Variants in RAD23A observed in about 807,000 individuals in gnomAD.
RAD23A encodes lysine-specific demethylase RAD23A.
A neutral mutation model predicts 44.8 loss-of-function variants in RAD23A; 16 were observed. That is an observed-to-expected ratio of 0.36 (90% confidence interval 0.24 to 0.54). RAD23A has a LOEUF of 0.54. Ranked by LOEUF, RAD23A falls within the 20% of genes least tolerant of loss-of-function variation. RAD23A has a pLI of 0.89. For synonymous variants in RAD23A, 217 were observed against 202.9 expected (o/e 1.07, Z -0.59); for missense variants, 380 against 483.3 (o/e 0.79, Z 2.00).
chr19:12,948,995 C>T lies in RAD23A; in HGVS notation c.601-86C>T, dbSNP rs768333159. 14 of 1,538,570 alleles carry T rather than the reference C, an allele frequency of 9.1e-6. No homozygotes were observed. The highest frequency in any genetic ancestry group is 3.8e-5 in the Admixed American group (2 of 52,988). On this transcript the variant is annotated intron_variant, in intron 5 of 8. Transcript: ENST00000586534. This position sits in a 1 kb window ranked among gnomAD's most constrained non-coding sequence, Gnocchi z 5.5. The stretch of plus-strand genomic sequence containing the variant: ...TGGGTGGGCCTCTGGAGGGCAGGGC[C>T]GAGGCCTCATCTGTGTCCTGCCAGG...
Position 12,945,885 on chromosome 19 carries a change from G to A in RAD23A, c.-64G>A. ...GCGCGGCGCGCCTGGGCGCTAAGATGGCGGCGGCGTGAGTTGCATGTTGTG... is the reference window on the plus strand; with the variant it reads ...GCGCGGCGCGCCTGGGCGCTAAGATAGCGGCGGCGTGAGTTGCATGTTGTG... On this transcript the variant is annotated 5_prime_UTR_variant, in exon 1 of 9. The change abolishes an upstream ATG in the 5' untranslated region. Transcript: ENST00000586534. 6.5e-7 allele frequency: 1 copy of A among 1,547,466 alleles called. No individual in the cohort carries two copies.
At chr19:12,946,605 T>G (rs1008171302) in intron 1 of RAD23A, among the ~76,000 whole-genome samples, 3 of 152,092 alleles carry the variant, frequency 2.0e-5, no homozygotes, top group Non-Finnish European at 4.4e-5. Flanking sequence ...TGTGGAAACC[T>G]AGGGATTGAG....
chr19:12,947,279 TA>T (rs2146031661), intron 1 of RAD23A, among the ~76,000 whole-genome samples: 2 of 152,180 alleles, frequency 1.3e-5, no homozygotes, highest in Admixed American at 1.3e-4. Flanking sequence ...TATTTTTAAT[TA>T]GTCTGGAGTG....
At chr19:12,952,877 A>G in intron 8 of RAD23A, 24 bp downstream of exon 8, 2 of 1,603,440 alleles carry the variant, frequency 1.2e-6, no homozygotes, top group Non-Finnish European at 1.7e-6. Flanking sequence ...CTGAGGGGTG[A>G]CTGCAGGTGG....
chr19:12,951,800 G>A (rs1401504299), intron 7 of RAD23A, among the ~76,000 whole-genome samples: 1 of 152,128 alleles, frequency 6.6e-6, no homozygotes, highest in East Asian at 1.9e-4. Flanking sequence ...CATCCACCCT[G>A]GGCCTTTGCA....
At chr19:12,950,807 T>A (rs766842022) in intron 7 of RAD23A, among the ~76,000 whole-genome samples, 1 of 152,240 alleles carries the variant, frequency 6.6e-6, no homozygotes, top group East Asian at 1.9e-4. Context: ...GGCTCATGCC[T>A]GTAATCCCAG....
chr19:12,949,418 C>G lies in RAD23A; in HGVS notation c.813+10C>G. The G allele has an allele frequency of 1.2e-6, 2 of 1,610,602 alleles. No individual in the cohort carries two copies. Among genetic ancestry groups the G allele is most frequent in the Non-Finnish European group, 1.7e-6 (2 of 1,177,182 alleles). ...CCCTCAGCTTTTACAGGTGTGGTCC[C>G]AAGGGCAGAGGGAGCTAGGGCAGCC... On this transcript the variant is annotated intron_variant, in intron 7 of 8. Transcript: ENST00000586534.
At position 12,953,017 on chromosome 19, in the gene RAD23A, T is replaced by G; in HGVS notation, c.1060T>G (p.Phe354Val). ...CEKNENLAAN[F>V]LLSQNFDDE ...AAAAAATGAGAACTTGGCTGCCAAC[T>G]TCCTCCTGAGTCAGAACTTTGATGA... The change falls in exon 9 of 9, where the codon TTC becomes GTC. Residue 354 changes from phenylalanine (F) to valine (V), a missense_variant. Around this residue, in one of 3 missense-constraint regions of RAD23A, gnomAD observed 31 missense variants for 63.6 expected, o/e 0.49. Transcript: ENST00000586534. 1 of 1,613,878 alleles carries G rather than the reference T, an allele frequency of 6.2e-7. No homozygotes were observed. The highest frequency in any genetic ancestry group is 8.5e-7 in the Non-Finnish European group (1 of 1,179,954).
intron 6 of RAD23A, 41 bp downstream of exon 6, chr19:12,949,200 C>G: frequency 1.9e-6 from 3 of 1,614,094 alleles, no homozygotes; most frequent in Non-Finnish European, 2.5e-6. Context: ...AGGTACCTGA[C>G]TCACATTACA....
chr19:12,948,314 A>G lies in RAD23A; in HGVS notation c.372A>G (p.Pro124=), dbSNP rs1164211073. 9.9e-6 allele frequency: 16 copies of G among 1,609,392 alleles called. No homozygotes were observed. The highest frequency in any genetic ancestry group is 1.2e-5 in the Non-Finnish European group (14 of 1,177,622). The change falls in exon 3 of 9, where the codon CCA becomes CCG. Residue 124 remains proline, a synonymous_variant. Transcript: ENST00000586534. The surrounding 1 kb of genome is among the most constrained non-coding windows in gnomAD (Gnocchi z 5.5). ...CTGCCGCCAGAGAGGACAAGAGCCC[A>G]TCAGAGGAATCCGCCCCCACGACGT... is the stretch of plus-strand genomic sequence containing the variant. ...PPPAAREDKS[P]SEESAPTTSP...
At chr19:12,946,847 C>T (rs1971686265) in intron 1 of RAD23A, among the ~76,000 whole-genome samples, 2 of 152,282 alleles carry the variant, frequency 1.3e-5, no homozygotes, top group Non-Finnish European at 2.9e-5. Flanking sequence ...TTTTGATCCG[C>T]TCAAGTGTTT....
In RAD23A at chr19:12,948,022, T is replaced by G; in HGVS notation, c.234+13T>G. Reference sequence around the variant, plus strand: ...CATGGTGACCAAGGTGGGTGACGTGTGCTGGCTGGGAGGGTGGGTGGACGA... The same window carrying G: ...CATGGTGACCAAGGTGGGTGACGTGGGCTGGCTGGGAGGGTGGGTGGACGA... On this transcript the variant is annotated intron_variant, in intron 2 of 8. Transcript: ENST00000586534. This position sits in a 1 kb window ranked among gnomAD's most constrained non-coding sequence, Gnocchi z 5.5. 1 of 1,612,530 alleles carries G rather than the reference T, an allele frequency of 6.2e-7. No individual in the cohort carries two copies. Among genetic ancestry groups the G allele is most frequent in the Admixed American group, 1.7e-5 (1 of 59,992 alleles).
chr19:12,948,512 A>G lies in RAD23A; in HGVS notation c.432A>G (p.Ser144=). 2.5e-6 allele frequency: 4 copies of G among 1,593,978 alleles called. No homozygotes were observed. Among genetic ancestry groups the G allele is most frequent in the Non-Finnish European group, 3.4e-6 (4 of 1,169,938 alleles). ...GAATTTGCAGCTCTGTTCCCTCTTC[A>G]GGTAGCAGCGGGCGAGAGGAAGACG... The part of the protein sequence containing the change: ...PESVSGSVPS[S]GSSGREEDAA... The change falls in exon 4 of 9, where the codon TCA becomes TCG. Residue 144 remains serine, a synonymous_variant. Transcript: ENST00000586534. This position sits in a 1 kb window ranked among gnomAD's most constrained non-coding sequence, Gnocchi z 5.5.
Position 12,948,729 on chromosome 19 carries a change from C to T in RAD23A, c.516C>T (p.Ser172=), listed in dbSNP as rs368745471. The change falls in exon 5 of 9, where the codon TCC becomes TCT. Residue 172 remains serine (S), a synonymous_variant. Coordinates refer to ENST00000586534, the MANE Select transcript of RAD23A (RefSeq NM_005053.4). The surrounding 1 kb of genome is among the most constrained non-coding windows in gnomAD (Gnocchi z 5.5). ...AGACGATGCTGACGGAGATCATGTC[C>T]ATGGGCTATGAGCGAGAGCGGGTCG... ...EYETMLTEIM[S]MGYERERVVA... 6.2e-7 allele frequency: 1 copy of T among 1,613,588 alleles called. No individual in the cohort carries two copies. The highest frequency in any genetic ancestry group is 8.5e-7 in the Non-Finnish European group (1 of 1,179,960).
chr19:12,952,757 C>T lies in RAD23A; in HGVS notation c.882C>T (p.Ile294=), dbSNP rs768156370. 1.2e-6 allele frequency: 2 copies of T among 1,613,580 alleles called. No homozygotes were observed. The highest frequency in any genetic ancestry group is 1.7e-5 in the Admixed American group (1 of 59,968). Residue 294 remains isoleucine, a synonymous_variant, in exon 8 of 9, where the codon ATC becomes ATT. Transcript: ENST00000586534. ...AGCCCCCTGGGGAGCTGGCGGACAT[C>T]TCAGATGTGGAGGGGGAGGTGGGCG... The part of the protein sequence containing the change: ...LNEPPGELAD[I]SDVEGEVGAI...
At chr19:12,950,954 C>T (rs1191780535) in intron 7 of RAD23A, among the ~76,000 whole-genome samples, 2 of 152,190 alleles carry the variant, frequency 1.3e-5, no homozygotes, top group Non-Finnish European at 2.9e-5. Flanking sequence ...GTCCCAGCTA[C>T]TCAGGAGGTG....
rs1347252400 is a variant in RAD23A, at chr19:12,948,804, T to C, written c.591T>C (p.Tyr197=). 6.2e-7 allele frequency: 1 copy of C among 1,608,086 alleles called. No individual in the cohort carries two copies. Among genetic ancestry groups the C allele is most frequent in the Non-Finnish European group, 8.5e-7 (1 of 1,178,004 alleles). Residue 197 remains tyrosine, a synonymous_variant, in exon 5 of 9, where the codon TAT becomes TAC. Coordinates refer to ENST00000586534, the MANE Select transcript of RAD23A (RefSeq NM_005053.4). This position sits in a 1 kb window ranked among gnomAD's most constrained non-coding sequence, Gnocchi z 5.5. ...ACAACCCCCACCGAGCCGTGGAGTA[T>C]CTGCTCACGGTGAGGTGGGGCTTCC... ...SYNNPHRAVE[Y]LLTGIPGSPE...
chr19:12,946,084 G>GGGGGGGGGGGGGGGGGGC, intron 1 of RAD23A, 64 bp downstream of exon 1: 3 of 512,142 alleles, frequency 5.9e-6, no homozygotes, highest in East Asian at 5.5e-5. Flanking sequence ...TGGGGGCGGG[G>GGGGGGGGGGGGGGGGGGC]AGGCTAGAAT....
intron 1 of RAD23A, among the ~76,000 whole-genome samples, chr19:12,947,258 CAA>C (rs967347019): frequency 6.6e-6 from 1 of 150,964 alleles, no homozygotes; most frequent in African/African-American, 2.4e-5. Context: ...CTCTTATCTA[CAA>C]AAAAAAATTA....
Sources: allele counts gnomAD v4.1 joint callset (sites outside exome capture counted in the v4.1 genomes callset), GRCh38; gene constraint gnomAD v4.1.1; regional missense constraint gnomAD v4.1.1; non-coding constraint Gnocchi (gnomAD v3.1); transcripts MANE v1.5; gene names NCBI Gene and HGNC (gene_info 2026-07-23, HGNC 2026-07-21).